Variants in LDB3 observed in about 807,000 individuals in gnomAD.
The protein encoded by LDB3 is LIM domain-binding protein 3.
In LDB3, 49 loss-of-function variants were observed where a neutral mutation model predicts 69.0. The ratio of observed to expected loss-of-function variants is 0.71; its 90% CI spans 0.56 to 0.90. The LOEUF (loss-of-function observed/expected upper bound fraction) is 0.90. Among genes scored for constraint, LDB3 ranks in the 40% least tolerant of loss-of-function variants. The pLI is 0.00. For missense variants in LDB3, 928 were observed against 974.1 expected (o/e 0.95, Z 0.63); for synonymous variants, 387 against 396.2 (o/e 0.98, Z 0.28).
chr10:86,672,088 G>A (rs1844514173), intron 2 of LDB3, among the ~76,000 whole-genome samples: 2 of 132,482 alleles, frequency 1.5e-5, no homozygotes, highest in South Asian at 5.0e-4. Flanking sequence ...CTCCATTCTG[G>A]GGGCAGAGTG....
In LDB3 at chr10:86,718,019, G is replaced by T; in HGVS notation, c.1732G>T (p.Ala578Ser). ...RSWHPEEFTC[A>S]YCKTSLADVC... Reference sequence around the variant, plus strand: ...TTGGCACCCTGAAGAGTTCACCTGTGCCTACTGCAAGACTTCCCTGGCAGA... The same window carrying T: ...TTGGCACCCTGAAGAGTTCACCTGTTCCTACTGCAAGACTTCCCTGGCAGA... The change falls in exon 11 of 14, where the codon GCC becomes TCC. Residue 578 changes from alanine (A) to serine (S), a missense_variant. By Grantham distance (99) the Ala-to-Ser change is moderately conservative. Transcript: ENST00000361373. 6.2e-7 allele frequency: 1 copy of T among 1,614,178 alleles called. No homozygotes were observed. Among genetic ancestry groups the T allele is most frequent in the Non-Finnish European group, 8.5e-7 (1 of 1,180,040 alleles).
chr10:86,723,784 C>T (rs920098818), intron 12 of LDB3, among the ~76,000 whole-genome samples: 3 of 152,192 alleles, frequency 2.0e-5, no homozygotes, highest in African/African-American at 7.2e-5. Context: ...GACTGGGATA[C>T]ATAAGAGCAT....
rs757809760 is a variant in LDB3, at chr10:86,706,483, G to T, written c.897-48G>T. ...CCCCCATGCAGAGGGGCCTCACAGGGTCTCTAGGCTCCCTTGACCTGTTGT... is the reference window on the plus strand; with the variant it reads ...CCCCCATGCAGAGGGGCCTCACAGGTTCTCTAGGCTCCCTTGACCTGTTGT... On this transcript the variant is annotated intron_variant, in intron 7 of 13. Transcript: ENST00000361373. 1.4e-4 allele frequency: 222 copies of T among 1,601,124 alleles called. 1 individual carries two copies. The highest frequency in any genetic ancestry group is 6.6e-5 in the Non-Finnish European group (78 of 1,175,012).
chr10:86,700,164 C>T, intron 7 of LDB3: 1 of 672,312 alleles, frequency 1.5e-6, no homozygotes, highest in Non-Finnish European at 1.8e-6. Context: ...GGGCTGTGTC[C>T]ACCGGCCCCA....
intron 5 of LDB3, among the ~76,000 whole-genome samples, chr10:86,685,861 G>A (rs1165771270): frequency 6.6e-6 from 1 of 152,186 alleles, no homozygotes; most frequent in African/African-American, 2.4e-5. Context: ...CTGCATGTGT[G>A]AAGCTGGAGT....
intron 7 of LDB3, among the ~76,000 whole-genome samples, chr10:86,695,363 TC>T (rs907965095): frequency 3.3e-5 from 5 of 152,232 alleles, no homozygotes; most frequent in African/African-American, 1.2e-4. Flanking sequence ...TCCTCTCGGG[TC>T]CTGGCTCCTG....
rs71019409 is a variant in LDB3, at chr10:86,697,549, CTTT to C, written c.896+4998_896+5000del. Among the ~76,000 whole-genome samples, 354 of 83,952 alleles carry C rather than the reference CTTT, an allele frequency of 4.2e-3. 2 individuals are homozygous for C. Among genetic ancestry groups the C allele is most frequent in the African/African-American group, 0.02 (336 of 17,118 alleles). 55.1% of individuals were successfully genotyped at this position (83,952 alleles called of 152,430 possible). The stretch of plus-strand genomic sequence containing the variant: ...TTCTTTTTTTTCTTTTTCTTTCTTT[CTTT>C]TTTTTTTTTTTTTTTTTTTGAGATG... On this transcript the variant is annotated intron_variant, in intron 7 of 13. Transcript: ENST00000361373.
intron 7 of LDB3, among the ~76,000 whole-genome samples, chr10:86,705,310 T>C (rs1006069425): frequency 6.6e-6 from 1 of 152,210 alleles, no homozygotes; most frequent in African/African-American, 2.4e-5. Flanking sequence ...AGAGGGCTGC[T>C]GTGAGGAAGT....
chr10:86,699,988 TTC>T lies in LDB3; in HGVS notation c.897-6537_897-6536del. The T allele has an allele frequency of 3.0e-6, 3 of 992,710 alleles. No homozygotes were observed. Among genetic ancestry groups the T allele is most frequent in the Non-Finnish European group, 3.6e-6 (3 of 833,862 alleles). The allele number at this position is 992,710 out of a possible 1,614,324, so 61.5% of individuals were successfully genotyped here. A position where few individuals can be genotyped will look rare whatever the true frequency, so the allele number is the denominator to read the frequency against. On this transcript the variant is annotated intron_variant, in intron 7 of 13. Transcript: ENST00000361373. This position sits in a 1 kb window ranked among gnomAD's most constrained non-coding sequence, Gnocchi z 4.9. ...TGTACCGTGTGTGCTGGCTCCATAG[TTC>T]TCTCTTCTGTACATATAAGCATGCT...
Position 86,732,953 on chromosome 10 carries a change from C to G in LDB3, c.2161C>G (p.His721Asp). The change falls in exon 14 of 14, where the codon CAC becomes GAC. Residue 721 changes from histidine to aspartate, a missense_variant. Physicochemically the swap from His to Asp is moderately conservative, Grantham distance 81. Coordinates refer to ENST00000361373, the MANE Select transcript of LDB3 (RefSeq NM_007078.3). Reference sequence around the variant, plus strand: ...GAAGGACAGACCCCTGTGCAAGAAGCACGCACACACCATCAACTTGTAGGC... The same window carrying G: ...GAAGGACAGACCCCTGTGCAAGAAGGACGCACACACCATCAACTTGTAGGC... ...SKKDRPLCKK[H>D]AHTINL 6.2e-7 allele frequency: 1 copy of G among 1,613,800 alleles called. No individual in the cohort carries two copies.
chr10:86,733,063 G>A lies in LDB3; in HGVS notation c.*87G>A, dbSNP rs1333051550. ...TTCGGGAGGCTGATGTTTCTTCTGA[G>A]GGGAATGGGGAGAGAGAGGAAGCGA... is the stretch of plus-strand genomic sequence containing the variant. On this transcript the variant is annotated 3_prime_UTR_variant, in exon 14 of 14. Coordinates refer to ENST00000361373, the MANE Select transcript of LDB3 (RefSeq NM_007078.3). The A allele has an allele frequency of 2.2e-6, 2 of 913,196 alleles. No homozygotes were observed. The highest frequency in any genetic ancestry group is 1.6e-5 in the African/African-American group (1 of 60,756). 56.6% of individuals were successfully genotyped at this position (913,196 alleles called of 1,614,324 possible). A position where few individuals can be genotyped will look rare whatever the true frequency, so the allele number is the denominator to read the frequency against.
Position 86,716,554 on chromosome 10 carries a change from C to T in LDB3, c.1459C>T (p.Arg487Cys), listed in dbSNP as rs950395877. 6.2e-6 allele frequency: 10 copies of T among 1,613,704 alleles called. No homozygotes were observed. The highest frequency in any genetic ancestry group is 5.9e-6 in the Non-Finnish European group (7 of 1,179,924). ...CGGGGGCCCTGCGGAGCCTGCCAGCCGTCCACCCTGGGTGACAGATGATAG... is the reference window on the plus strand; with the variant it reads ...CGGGGGCCCTGCGGAGCCTGCCAGCTGTCCACCCTGGGTGACAGATGATAG... ...YSGGPAEPAS[R>C]PPWVTDDSFS... The change falls in exon 10 of 14, where the codon CGT becomes TGT. Residue 487 changes from arginine (R) to cysteine (C), a missense_variant. By Grantham distance (180) the Arg-to-Cys change is radical. Transcript: ENST00000361373.
chr10:86,715,731 T>C (rs1262257725), intron 9 of LDB3, among the ~76,000 whole-genome samples: 1 of 151,922 alleles, frequency 6.6e-6, no homozygotes, highest in Non-Finnish European at 1.5e-5. Context: ...TCCCCCACCC[T>C]AATCAAACCA....
chr10:86,732,236 C>T (rs759924760), intron 13 of LDB3, among the ~76,000 whole-genome samples: 8 of 152,036 alleles, frequency 5.3e-5, no homozygotes, highest in East Asian at 1.9e-4. Context: ...TTTCTTTAGA[C>T]GTGAATCCTC....
In LDB3 at chr10:86,735,770, A is replaced by T. The variant is rs1158579517; in HGVS notation, c.*2794A>T. ...CTCCAGCCTGGGCAACAGGAGCGAAACTCCGTTGCAAAAAAAAAAAAAAAA... is the reference window on the plus strand; with the variant it reads ...CTCCAGCCTGGGCAACAGGAGCGAATCTCCGTTGCAAAAAAAAAAAAAAAA... On this transcript the variant is annotated 3_prime_UTR_variant, in exon 14 of 14. Coordinates refer to ENST00000361373, the MANE Select transcript of LDB3 (RefSeq NM_007078.3). The T allele has an allele frequency of 1.5e-5, 2 of 136,226 alleles. No homozygotes were observed. The highest frequency in any genetic ancestry group is 3.1e-5 in the Non-Finnish European group (2 of 64,694). The allele number at this position is 136,226 out of a possible 1,614,324, so 8.4% of individuals were successfully genotyped here.
At chr10:86,732,052 C>T (rs2132515998) in intron 13 of LDB3, among the ~76,000 whole-genome samples, 1 of 148,464 alleles carries the variant, frequency 6.7e-6, no homozygotes, top group East Asian at 2.0e-4. Flanking sequence ...ACTATGTTGC[C>T]CAGGCTGGTC....
intron 9 of LDB3, 43 bp downstream of exon 9, chr10:86,710,093 C>A: frequency 1.2e-6 from 2 of 1,603,372 alleles, no homozygotes; most frequent in Non-Finnish European, 1.7e-6. Flanking sequence ...AAGCCATGGG[C>A]GGGCTCCAGG....
rs1847532449 is a variant in LDB3, at chr10:86,733,050, A to C, written c.*74A>C. 1 of 1,036,106 alleles carries C rather than the reference A, an allele frequency of 9.7e-7. No homozygotes were observed. Among genetic ancestry groups the C allele is most frequent in the Non-Finnish European group, 1.5e-6 (1 of 672,202 alleles). The allele number at this position is 1,036,106 out of a possible 1,614,324, so 64.2% of individuals were successfully genotyped here. A position where few individuals can be genotyped will look rare whatever the true frequency, so the allele number is the denominator to read the frequency against. On this transcript the variant is annotated 3_prime_UTR_variant, in exon 14 of 14. Coordinates refer to ENST00000361373, the MANE Select transcript of LDB3 (RefSeq NM_007078.3). Reference sequence around the variant, plus strand: ...TGGCAACAAAGGATTCGGGAGGCTGATGTTTCTTCTGAGGGGAATGGGGAG... The same window carrying C: ...TGGCAACAAAGGATTCGGGAGGCTGCTGTTTCTTCTGAGGGGAATGGGGAG...
upstream of LDB3, chr10:86,668,379 G>A: frequency 2.2e-6 from 1 of 453,486 alleles, no homozygotes; most frequent in Non-Finnish European, 4.1e-6. Flanking sequence ...CTCCCCAGGG[G>A]CTATATTAGC....
Sources: allele counts gnomAD v4.1 joint callset (sites outside exome capture counted in the v4.1 genomes callset), GRCh38; gene constraint gnomAD v4.1.1; non-coding constraint Gnocchi (gnomAD v3.1); transcripts MANE v1.5; gene names NCBI Gene and HGNC (gene_info 2026-07-23, HGNC 2026-07-21).